Variants in LRRC69 observed in about 807,000 individuals in gnomAD.
LRRC69 encodes leucine rich repeat containing 69, also known as leucine-rich repeat-containing protein 69.
A neutral mutation model predicts 37.8 loss-of-function variants in LRRC69; 42 were observed. The ratio of observed to expected loss-of-function variants is 1.11; its 90% CI spans 0.87 to 1.44. The LOEUF (loss-of-function observed/expected upper bound fraction) is 1.44, where lower values mean the gene tolerates loss of function less well. LRRC69 is among the 40% of genes most tolerant of loss of function. The pLI, the probability that LRRC69 is intolerant of heterozygous loss-of-function variation, is 0.00. For missense variants in LRRC69, 357 were observed against 401.9 expected (o/e 0.89, Z 0.96); for synonymous variants, 141 against 143.1 (o/e 0.99, Z 0.11).
chr8:91,215,093 C>G (rs1331669624), intron 7 of LRRC69, among the ~76,000 whole-genome samples: 1 of 152,062 alleles, frequency 6.6e-6, no homozygotes, highest in African/African-American at 2.4e-5. Context: ...ACATGGCGCC[C>G]ACCTAGGTAG....
At chr8:91,173,262 A>G (rs1809165679) in intron 5 of LRRC69, among the ~76,000 whole-genome samples, 1 of 151,888 alleles carries the variant, frequency 6.6e-6, no homozygotes, top group Admixed American at 6.6e-5. Context: ...TTATTCTCTG[A>G]AGGACTCTAC....
chr8:91,115,174 A>G lies in LRRC69; in HGVS notation c.184-9319A>G, dbSNP rs187091702. 5.8e-3 allele frequency among the ~76,000 whole-genome samples: 882 copies of G among 152,158 alleles called. 9 individuals carry two copies. Among genetic ancestry groups the G allele is most frequent in the Non-Finnish European group, 9.6e-3 (652 of 68,020 alleles). Reference sequence around the variant, plus strand: ...TGTATAGTATACTTGAAATTTGCTCAAGGGGTAGATCTGAAGTGTTCTGAT... The same window carrying G: ...TGTATAGTATACTTGAAATTTGCTCGAGGGGTAGATCTGAAGTGTTCTGAT... On this transcript the variant is annotated intron_variant, in intron 1 of 7. Coordinates refer to ENST00000448384, the Ensembl canonical transcript of LRRC69.
intron 1 of LRRC69, among the ~76,000 whole-genome samples, chr8:91,116,575 G>C (rs1266430684): frequency 6.6e-6 from 1 of 151,824 alleles, no homozygotes; most frequent in Non-Finnish European, 1.5e-5. Flanking sequence ...GCATATGTAT[G>C]ATCATTCTGA....
At chr8:91,200,952 AATC>A (rs1563623722) in intron 7 of LRRC69, among the ~76,000 whole-genome samples, 160 bp downstream of exon 7, 2 of 152,212 alleles carry the variant, frequency 1.3e-5, no homozygotes, top group Admixed American at 1.3e-4. Context: ...TGTCGGTAAT[AATC>A]ATCATCACCC....
chr8:91,118,396 C>CG (rs1426182396), intron 1 of LRRC69: 7 of 275,684 alleles, frequency 2.5e-5, no homozygotes, highest in African/African-American at 2.5e-4. Flanking sequence ...AAAAAAAAAG[C>CG]CAGGCGTGGT....
At chr8:91,160,299 T>A (rs1288062705) in intron 5 of LRRC69, among the ~76,000 whole-genome samples, 1 of 150,648 alleles carries the variant, frequency 6.6e-6, no homozygotes, top group Non-Finnish European at 1.5e-5. Flanking sequence ...TTTAGTTTTT[T>A]GTTTTTTTTT....
intron 1 of LRRC69, among the ~76,000 whole-genome samples, chr8:91,109,600 C>A (rs1813376963): frequency 6.6e-6 from 1 of 151,978 alleles, no homozygotes; most frequent in South Asian, 2.1e-4. Flanking sequence ...CTTTTGATGG[C>A]ATATTAAAAG....
chr8:91,135,166 T>C (rs1238478880), intron 4 of LRRC69, among the ~76,000 whole-genome samples: 8 of 152,012 alleles, frequency 5.3e-5, no homozygotes, highest in Non-Finnish European at 8.8e-5. Context: ...GAGAGTATCA[T>C]GGCAATGGAA....
At chr8:91,104,520 T>G (rs566000809) in intron 1 of LRRC69, among the ~76,000 whole-genome samples, 15 of 152,146 alleles carry the variant, frequency 9.9e-5, no homozygotes, top group African/African-American at 3.4e-4. Flanking sequence ...CCTTTGTTCT[T>G]GTGCCTTAGT....
chr8:91,135,695 A>C lies in LRRC69; in HGVS notation c.607A>C (p.Ile203Leu), dbSNP rs534456185. The change falls in exon 5 of 8, where the codon ATC becomes CTC. Residue 203 changes from isoleucine to leucine, a missense_variant. Ile to Leu is a conservative substitution (Grantham distance 5, BLOSUM62 2). Coordinates refer to ENST00000448384, the Ensembl canonical transcript of LRRC69. ...ACTTTGTGATCTTAAAAAACTAAGA[A>C]TCCTAGACATAGCTGGAAATATTAT... The C allele has an allele frequency of 2.9e-5, 43 of 1,465,720 alleles. No homozygotes were observed. The South Asian group carries it at 5.1e-4, about 17-fold the overall frequency. The allele number at this position is 1,465,720 out of a possible 1,614,324, so 90.8% of individuals were successfully genotyped here.
Position 91,200,150 on chromosome 8 carries a change from G to A in LRRC69, c.754-463G>A, listed in dbSNP as rs911029401. Among the ~76,000 whole-genome samples, 13 of 152,270 alleles carry A rather than the reference G, an allele frequency of 8.5e-5. No individual in the cohort carries two copies. In the East Asian group the frequency reaches 2.5e-3, roughly 29 times the overall value. On this transcript the variant is annotated intron_variant, in intron 6 of 7. Coordinates refer to ENST00000448384, the Ensembl canonical transcript of LRRC69. ...GATTCAGTAGGTCTGGAGTGTGTCTGACATTCTGCATATCTAATAAGCTCC... is the reference window on the plus strand; with the variant it reads ...GATTCAGTAGGTCTGGAGTGTGTCTAACATTCTGCATATCTAATAAGCTCC...
chr8:91,102,930 A>G, intron 1 of LRRC69, 86 bp downstream of exon 1: 3 of 1,254,238 alleles, frequency 2.4e-6, no homozygotes, highest in Non-Finnish European at 1.1e-6. Context: ...ACAGAACAAT[A>G]ACACTTCGAT....
rs142640298 is a variant in LRRC69, at chr8:91,186,844, G to T, written c.652-2678G>T. On this transcript the variant is annotated intron_variant, in intron 5 of 7. Coordinates refer to ENST00000448384, the Ensembl canonical transcript of LRRC69. ...GATGGGATGGAGGATGGAAAGAGAG[G>T]TTTCCAAAAGTTTTAAGAAGGTAGA... is the stretch of plus-strand genomic sequence containing the variant. Among the ~76,000 whole-genome samples the T allele has an allele frequency of 3.3e-5, 5 of 152,122 alleles. No individual in the cohort carries two copies. In the East Asian group the frequency reaches 5.8e-4, roughly 18 times the overall value.
Position 91,211,838 on chromosome 8 carries a change from C to T in LRRC69, c.934-7052C>T, listed in dbSNP as rs112671323. ...GGGGTTTACACTCAAAGGAGGGAGA[C>T]ACTGGATGATAAATGGGTCTTTATT... is the stretch of plus-strand genomic sequence containing the variant. On this transcript the variant is annotated intron_variant, in intron 7 of 7. Transcript: ENST00000448384. Among the ~76,000 whole-genome samples, 708 of 151,906 alleles carry T rather than the reference C, an allele frequency of 4.7e-3. 5 individuals carry two copies. The highest frequency in any genetic ancestry group is 0.016 in the African/African-American group (650 of 41,474).
chr8:91,158,091 A>C, intron 5 of LRRC69: 2 of 1,513,028 alleles, frequency 1.3e-6, no homozygotes, highest in Non-Finnish European at 1.8e-6. Flanking sequence ...CATGGGGTAC[A>C]AACGGAGAGT....
chr8:91,200,700 A>G (rs1191889337), exon 7 of LRRC69: 1 of 1,534,890 alleles, frequency 6.5e-7, no homozygotes, highest in Non-Finnish European at 8.8e-7. Context: ...ACAAGTCAGG[A>G]GCATGATCTC....
At chr8:91,192,069 C>T (rs1324167813) in intron 6 of LRRC69, among the ~76,000 whole-genome samples, 1 of 142,650 alleles carries the variant, frequency 7.0e-6, no homozygotes, top group African/African-American at 2.6e-5. Context: ...TTGTTCAATT[C>T]CCACCTATGA....
intron 1 of LRRC69, among the ~76,000 whole-genome samples, chr8:91,113,972 C>CAAAAAAAAA (rs34806474): frequency 3.3e-5 from 2 of 60,510 alleles, no homozygotes; most frequent in Non-Finnish European, 5.5e-5. Context: ...AGACTTGTCT[C>CAAAAAAAAA]AAAAAAAAAA....
At chr8:91,119,226 C>T (rs1813572121) in intron 1 of LRRC69, among the ~76,000 whole-genome samples, 1 of 152,032 alleles carries the variant, frequency 6.6e-6, no homozygotes, top group African/African-American at 2.4e-5. Context: ...TCTATCCTTG[C>T]TACAGTGTTT....
Sources: allele counts gnomAD v4.1 joint callset (sites outside exome capture counted in the v4.1 genomes callset), GRCh38; gene constraint gnomAD v4.1.1; transcripts MANE v1.5; gene names NCBI Gene and HGNC (gene_info 2026-07-23, HGNC 2026-07-21).